Variants in CELF2 observed in about 807,000 individuals in gnomAD.
CELF2 encodes CUG triplet repeat RNA-binding protein 2.
A neutral mutation model predicts 62.6 loss-of-function variants in CELF2; 8 were observed. That is an observed-to-expected ratio of 0.13 (90% CI 0.07 to 0.23). The LOEUF is 0.23. Ranked by LOEUF, CELF2 falls within the 10% of genes least tolerant of loss-of-function variation. CELF2 has a pLI of 1.00. For missense variants in CELF2, 333 were observed against 671.0 expected, an observed-to-expected ratio of 0.50 and a Z score of 5.56; for synonymous variants, 258 against 250.0, an observed-to-expected ratio of 1.03 and a Z score of -0.30.
chr10:10,792,267 T>C, the CELF2 span: 2 of 396,596 alleles, frequency 5.0e-6, no homozygotes, highest in East Asian at 7.1e-5. Context: ...AACAAGTTAG[T>C]TTTTAGATCT....
At chr10:11,041,513 G>A (rs959015226) in intron 1 of CELF2, among the ~76,000 whole-genome samples, 4 of 152,158 alleles carry the variant, frequency 2.6e-5, no homozygotes, top group African/African-American at 4.8e-5. Context: ...AAGTTCTCAC[G>A]CCATCTTTTG....
rs1041460779 is a variant in CELF2, at chr10:11,306,964, T to C, written c.977-7175T>C. 1.3e-5 allele frequency among the ~76,000 whole-genome samples: 2 copies of C among 152,226 alleles called. No homozygotes were observed. The highest frequency in any genetic ancestry group is 4.8e-5 in the African/African-American group (2 of 41,466). On this transcript the variant is annotated intron_variant, in intron 9 of 12. Transcript: ENST00000633077. This position sits in a 1 kb window ranked among gnomAD's most constrained non-coding sequence, Gnocchi z 4.4. ...CGCCTCCACCTCTCCTATGGCCCCC[T>C]GAGCTAGGCTGCCCCATGCTCATAG...
chr10:10,593,879 T>C, the CELF2 span, among the ~76,000 whole-genome samples: 5 of 152,180 alleles, frequency 3.3e-5, no homozygotes, highest in African/African-American at 1.2e-4. Flanking sequence ...ATCTGTGAAG[T>C]GGATACAATA....
intron 1 of CELF2, among the ~76,000 whole-genome samples, chr10:10,885,751 C>T (rs2061710342): frequency 6.6e-6 from 1 of 152,150 alleles, no homozygotes; most frequent in Non-Finnish European, 1.5e-5. Context: ...TTCCCAGCTT[C>T]CACAGGTCAC....
intron 2 of CELF2, among the ~76,000 whole-genome samples, chr10:10,939,491 G>A (rs1158015266): frequency 1.3e-5 from 2 of 151,760 alleles, no homozygotes; most frequent in Non-Finnish European, 2.9e-5. Context: ...TCACCATGTT[G>A]GCCAGGCTGA....
chr10:10,812,382 A>G (rs2055997810), intron 1 of CELF2, among the ~76,000 whole-genome samples: 1 of 152,182 alleles, frequency 6.6e-6, no homozygotes, highest in African/African-American at 2.4e-5. Flanking sequence ...TGTGGAAATT[A>G]TGGAAGCTAC....
chr10:11,115,607 G>A (rs2056390235), intron 1 of CELF2, among the ~76,000 whole-genome samples: 1 of 152,146 alleles, frequency 6.6e-6, no homozygotes, highest in African/African-American at 2.4e-5. Flanking sequence ...TTAGAGAAGC[G>A]AATGATATGG....
intron 7 of CELF2, among the ~76,000 whole-genome samples, chr10:11,271,717 C>G (rs113610923): frequency 9.3e-5 from 14 of 150,976 alleles, no homozygotes; most frequent in South Asian, 6.3e-4. Flanking sequence ...GAGGGTGTCT[C>G]TGTGTGTGTG....
rs569500909 is a variant in CELF2 at position 10,938,830 on chromosome 10, C to T, written c.89+18831C>T. On this transcript the variant is annotated intron_variant, in intron 2 of 13. Coordinates refer to the CELF2 transcript ENST00000636488. The surrounding 1 kb of genome is among the most constrained non-coding windows in gnomAD (Gnocchi z 4.2). Reference sequence around the variant, plus strand: ...GGGACCCCGTGAAGCACTGCCCCACCGAGGGACGCAGAAGCAGCTGTCTTT... The same window carrying T: ...GGGACCCCGTGAAGCACTGCCCCACTGAGGGACGCAGAAGCAGCTGTCTTT... Among the ~76,000 whole-genome samples, 18 of 152,328 alleles carry T rather than the reference C, an allele frequency of 1.2e-4. No homozygotes were observed. Among genetic ancestry groups the T allele is most frequent in the African/African-American group, 3.8e-4 (16 of 41,568 alleles).
chr10:10,846,327 T>G (rs2059010280), intron 1 of CELF2, among the ~76,000 whole-genome samples: 1 of 152,120 alleles, frequency 6.6e-6, no homozygotes, highest in East Asian at 1.9e-4. Context: ...AATGAAATCT[T>G]CCCCCTCACT....
intron 2 of CELF2, among the ~76,000 whole-genome samples, chr10:10,926,535 C>T (rs554389181): frequency 6.6e-6 from 1 of 152,336 alleles, no homozygotes; most frequent in South Asian, 2.1e-4. Context: ...AAACGGACTA[C>T]AGCCAGCACC....
chr10:10,892,651 T>A (rs1158142458), intron 1 of CELF2, among the ~76,000 whole-genome samples: 1 of 152,244 alleles, frequency 6.6e-6, no homozygotes, highest in Non-Finnish European at 1.5e-5. Flanking sequence ...TAAGTTCCCA[T>A]TGTGATTTGA....
At chr10:10,512,519 CCCTCAGCCTCCTG>C in the CELF2 span, among the ~76,000 whole-genome samples, 5 of 150,846 alleles carry the variant, frequency 3.3e-5, no homozygotes, top group South Asian at 4.2e-4. Context: ...GATTCTCCTG[CCCTCAGCCTCCTG>C]CCTCAGCCTC....
chr10:10,778,133 A>T, the CELF2 span, among the ~76,000 whole-genome samples: 2 of 152,224 alleles, frequency 1.3e-5, no homozygotes, highest in South Asian at 4.1e-4. Flanking sequence ...AGTTGAATTT[A>T]TAAGTCCAGA....
intron 1 of CELF2, among the ~76,000 whole-genome samples, chr10:10,832,451 C>A (rs985165085): frequency 2.4e-4 from 37 of 152,080 alleles, no homozygotes; most frequent in African/African-American, 8.9e-4. Context: ...ACCCGTAGCA[C>A]AAGAATCATT....
the CELF2 span, among the ~76,000 whole-genome samples, chr10:10,787,550 G>A: frequency 1.3e-5 from 2 of 152,184 alleles, no homozygotes; most frequent in East Asian, 3.9e-4. Context: ...TTCTCAGGAA[G>A]CCTTAGCTTT....
In CELF2 at chr10:11,290,384, G is replaced by A. The variant is rs1024124846; in HGVS notation, c.976+1832G>A. ...ACAGAGCCAGTGGGTGGGGGAGAGC[G>A]GAGTGGGGGCTCTGTGGTGGACCGC... On this transcript the variant is annotated intron_variant, in intron 9 of 12. Transcript: ENST00000633077. The surrounding 1 kb of genome is among the most constrained non-coding windows in gnomAD (Gnocchi z 4.3). Among the ~76,000 whole-genome samples, 9 of 152,258 alleles carry A rather than the reference G, an allele frequency of 5.9e-5. No individual in the cohort carries two copies. Among genetic ancestry groups the A allele is most frequent in the Middle Eastern group, 3.4e-3 (1 of 294 alleles).
chr10:10,895,517 C>T (rs9424110), intron 1 of CELF2, among the ~76,000 whole-genome samples: 31,373 of 152,044 alleles, frequency 0.21, 3,425 homozygotes, highest in Non-Finnish European at 0.25. Flanking sequence ...AGTAGTTGAT[C>T]TGAAAAATTT....
At chr10:10,524,464 A>T in the CELF2 span, among the ~76,000 whole-genome samples, 1 of 151,098 alleles carries the variant, frequency 6.6e-6, no homozygotes, top group African/African-American at 2.4e-5. Context: ...CATTGTTAAC[A>T]TAGGATTGAG....
Sources: allele counts gnomAD v4.1 joint callset (sites outside exome capture counted in the v4.1 genomes callset), GRCh38; gene constraint gnomAD v4.1.1; non-coding constraint Gnocchi (gnomAD v3.1); transcripts MANE v1.5; gene names NCBI Gene and HGNC (gene_info 2026-07-23, HGNC 2026-07-21).